Variants in RNF135 observed in about 807,000 individuals in gnomAD.
RNF135 encodes the protein E3 ubiquitin-protein ligase RNF135.
RNF135 carries 46 observed loss-of-function variants against 41.9 expected under a neutral mutation model. The observed-to-expected ratio is 1.10, with a 90% CI of 0.87 to 1.40. The LOEUF is 1.40. Among genes scored for constraint, RNF135 ranks in the 40% most tolerant of loss-of-function variants. The pLI, the probability that RNF135 is intolerant of heterozygous loss-of-function variation, is 0.00. For synonymous variants in RNF135, 238 were observed against 223.8 expected (o/e 1.06, Z -0.57); for missense variants, 539 against 549.8 (o/e 0.98, Z 0.20).
intron 1 of RNF135, among the ~76,000 whole-genome samples, chr17:30,979,791 G>A (rs1360189878): frequency 7.9e-6 from 1 of 126,680 alleles, no homozygotes. Context: ...CGGACGGGGC[G>A]GCTGGCCGGG....
intron 1 of RNF135, among the ~76,000 whole-genome samples, chr17:30,982,784 C>T (rs187371700): frequency 1.7e-4 from 26 of 152,284 alleles, no homozygotes; most frequent in African/African-American, 6.3e-4. Context: ...AATACATTCA[C>T]AATGTTTTGA....
chr17:30,960,804 A>G, the RNF135 span, among the ~76,000 whole-genome samples: 5 of 149,912 alleles, frequency 3.3e-5, no homozygotes, highest in African/African-American at 1.2e-4. Flanking sequence ...CAGTGGCGCA[A>G]TCTCGGCTCG....
At chr17:30,983,353 A>ATATATATATTTTT (rs1420453160) in intron 1 of RNF135, among the ~76,000 whole-genome samples, 53 of 35,716 alleles carry the variant, frequency 1.5e-3, no homozygotes, top group Non-Finnish European at 2.3e-3. Context: ...ATATATATAT[A>ATATATATATTTTT]TTTTTTTTTT....
chr17:30,979,880 C>A (rs1338725305), intron 1 of RNF135, among the ~76,000 whole-genome samples: 1 of 126,306 alleles, frequency 7.9e-6, no homozygotes, highest in African/African-American at 3.1e-5. Flanking sequence ...ACCTCCCTCC[C>A]GGGCGGGGCG....
At chr17:30,966,976 CATA>C (rs1905575863), upstream of RNF135, among the ~76,000 whole-genome samples, 1 of 152,132 alleles carries the variant, frequency 6.6e-6, no homozygotes, top group African/African-American at 2.4e-5. Flanking sequence ...CACATAAAAA[CATA>C]AAAGAAATAG....
At position 30,999,331 on chromosome 17, in the gene RNF135, G is replaced by A; in HGVS notation, c.*140G>A. ...ATCTCACTAGGTTGCCCAGGCTGGT[G>A]TCGAATTCCTGGTCTCAAGCAGTCC... On this transcript the variant is annotated 3_prime_UTR_variant, in exon 5 of 5. Coordinates refer to ENST00000328381, the MANE Select transcript of RNF135 (RefSeq NM_032322.4). 2.1e-6 allele frequency: 2 copies of A among 949,270 alleles called. No homozygotes were observed. The highest frequency in any genetic ancestry group is 1.6e-6 in the Non-Finnish European group (1 of 624,108). 58.8% of individuals were successfully genotyped at this position (949,270 alleles called of 1,614,324 possible).
chr17:30,978,810 T>C (rs1906693427), intron 1 of RNF135: 1 of 126,948 alleles, frequency 7.9e-6, no homozygotes, highest in Non-Finnish European at 1.6e-5. Flanking sequence ...GTGATGACTC[T>C]TAACGAGCAT....
At chr17:30,993,113 T>C (rs572202335) in intron 3 of RNF135, among the ~76,000 whole-genome samples, 1 of 151,380 alleles carries the variant, frequency 6.6e-6, no homozygotes, top group East Asian at 1.9e-4. Context: ...CAGGCTGGAG[T>C]GCAGTGGCGC....
intron 1 of RNF135, among the ~76,000 whole-genome samples, chr17:30,980,548 C>T (rs1429174182): frequency 5.8e-5 from 8 of 138,406 alleles, no homozygotes; most frequent in African/African-American, 1.4e-4. Flanking sequence ...CGGGCGGAGA[C>T]GCTCCTCACT....
chr17:30,971,600 G>C (rs537909547), intron 1 of RNF135, 155 bp downstream of exon 1: 2 of 1,356,220 alleles, frequency 1.5e-6, no homozygotes, highest in South Asian at 1.8e-5. Flanking sequence ...AGGCACTTTG[G>C]AAAGTTCATA....
At chr17:30,993,072 T>C (rs1908097500) in intron 3 of RNF135, among the ~76,000 whole-genome samples, 1 of 149,642 alleles carries the variant, frequency 6.7e-6, no homozygotes. Flanking sequence ...TTATTATTAT[T>C]AATTTTGAGA....
rs1400201029 is a variant in RNF135, at chr17:30,971,124, C to G, written c.51C>G (p.Asp17Glu). ...CCGTTCCCGTGTGGCTGGCCGAGGACGACCTCGGCTGCATCATCTGCCAGG... is the reference window on the plus strand; with the variant it reads ...CCGTTCCCGTGTGGCTGGCCGAGGAGGACCTCGGCTGCATCATCTGCCAGG... ...GSAVPVWLAE[D>E]DLGCIICQGL... The change falls in exon 1 of 5, where the codon GAC becomes GAG. Residue 17 changes from aspartate (D) to glutamate (E), a missense_variant. Asp to Glu is a conservative substitution (Grantham distance 45). Around this residue, in one of 2 missense-constraint regions of RNF135, gnomAD observed 277 missense variants for 212.8 expected, o/e 1.30. Transcript: ENST00000328381. 7 of 1,533,996 alleles carry G rather than the reference C, an allele frequency of 4.6e-6. No homozygotes were observed. The highest frequency in any genetic ancestry group is 6.1e-6 in the Non-Finnish European group (7 of 1,146,076).
chr17:30,987,519 A>C (rs573578183), intron 2 of RNF135, among the ~76,000 whole-genome samples: 45 of 152,312 alleles, frequency 3.0e-4, no homozygotes, highest in African/African-American at 1.1e-3. Flanking sequence ...GGTGTGAGCC[A>C]CCACACCTAG....
Position 30,983,512 on chromosome 17 carries a change from CCT to C in RNF135, c.373-1104_373-1103del, listed in dbSNP as rs1286507205. ...GGGATTATAGGTGCCTGCAACCACA[CCT>C]GGTGAATTTTTGTATTTTTAGTAGA... On this transcript the variant is annotated intron_variant, in intron 1 of 4. Coordinates refer to ENST00000328381, the MANE Select transcript of RNF135 (RefSeq NM_032322.4). Among the ~76,000 whole-genome samples, 7 of 151,008 alleles carry C rather than the reference CCT, an allele frequency of 4.6e-5. No homozygotes were observed. In the East Asian group the frequency reaches 1.4e-3, roughly 29 times the overall value.
In RNF135 at chr17:30,984,671, G is replaced by T; in HGVS notation, c.427G>T (p.Glu143Ter). The T allele has an allele frequency of 6.2e-7, 1 of 1,614,148 alleles. No individual in the cohort carries two copies. ...TGCTCAGGAGCTGACAGAGCTGGTGGAACATCTTGTAGACATTGTCAGAAG... is the reference window on the plus strand; with the variant it reads ...TGCTCAGGAGCTGACAGAGCTGGTGTAACATCTTGTAGACATTGTCAGAAG... ...EVAQELTELV[E>*]HLVDIVRSLQ... is the part of the protein sequence containing the mutation. Residue 143 changes from glutamate to a stop codon, truncating the protein, a stop_gained, in exon 2 of 5, where the codon GAA becomes TAA. Transcript: ENST00000328381. LOFTEE classifies it high-confidence loss of function.
intron 3 of RNF135, among the ~76,000 whole-genome samples, chr17:30,994,825 C>T (rs1288539191): frequency 2.6e-5 from 4 of 151,072 alleles, no homozygotes; most frequent in Non-Finnish European, 4.4e-5. Flanking sequence ...TTAGTAGAGA[C>T]GAGGGTTTCA....
intron 4 of RNF135, 67 bp from the exon 5 acceptor site, chr17:30,998,595 A>T: frequency 6.7e-7 from 1 of 1,499,924 alleles, no homozygotes; most frequent in Middle Eastern, 1.7e-4. Flanking sequence ...CTATTTGAAG[A>T]CTTCTTAGCA....
chr17:30,961,561 C>T, the RNF135 span, among the ~76,000 whole-genome samples: 1 of 152,098 alleles, frequency 6.6e-6, no homozygotes. Context: ...CTCCCAGGTT[C>T]AAGCAATTCT....
intron 3 of RNF135, among the ~76,000 whole-genome samples, chr17:30,989,932 A>T (rs907493358): frequency 2.0e-5 from 3 of 150,030 alleles, no homozygotes; most frequent in Non-Finnish European, 4.4e-5. Flanking sequence ...CCTGGGAAGC[A>T]GAGGTTGCAC....
Sources: gnomAD v4.1 joint callset for allele counts (sites outside exome capture counted in the v4.1 genomes callset) on GRCh38, gnomAD v4.1.1 for gene constraint, gnomAD v4.1.1 regional missense constraint, MANE v1.5 for transcripts, NCBI Gene and HGNC (gene_info 2026-07-23, HGNC 2026-07-21) for gene names.